ESR1: variants seen among roughly 807,000 people sequenced by gnomAD.
The protein encoded by ESR1 is estrogen receptor.
In ESR1, 12 loss-of-function variants were observed where a neutral mutation model predicts 52.7. The ratio of observed to expected loss-of-function variants is 0.23; its 90% CI spans 0.15 to 0.37. The LOEUF (loss-of-function observed/expected upper bound fraction) is 0.37, where lower values mean the gene tolerates loss of function less well. ESR1 is among the 10% of genes least tolerant of loss of function. The pLI is 1.00. For synonymous variants in ESR1, 305 were observed against 316.8 expected, an observed-to-expected ratio of 0.96 and a Z score of 0.39; for missense variants, 584 against 779.7, an observed-to-expected ratio of 0.75 and a Z score of 2.99.
chr6:151,664,086 T>G (rs1025188462), intron 1 of ESR1, among the ~76,000 whole-genome samples: 2 of 152,204 alleles, frequency 1.3e-5, no homozygotes, highest in African/African-American at 4.8e-5. Flanking sequence ...GTACATCACA[T>G]TCTTGCTAGA....
Position 151,754,431 on chromosome 6 carries a change from A to G in ESR1, c.-71+52426A>G, listed in dbSNP as rs556730427. ...AAACAAAGGACAATCGGAAATGATA[A>G]GAATTTTTTCCTAATTTCTAATTAT... On this transcript the variant is annotated intron_variant, in intron 2 of 2. Coordinates refer to the ESR1 transcript ENST00000404742. 3.9e-5 allele frequency among the ~76,000 whole-genome samples: 6 copies of G among 152,278 alleles called. 1 individual carries two copies. In the South Asian group the frequency reaches 1.2e-3, roughly 32 times the overall value.
At chr6:152,028,157 T>A (rs975748323) in intron 5 of ESR1, among the ~76,000 whole-genome samples, 2 of 151,594 alleles carry the variant, frequency 1.3e-5, no homozygotes, top group Non-Finnish European at 2.9e-5. Flanking sequence ...AAAAAATAAA[T>A]AGGGGGCGGT....
intron 3 of ESR1, among the ~76,000 whole-genome samples, chr6:151,938,878 G>T (rs2034692702): frequency 6.6e-6 from 1 of 152,198 alleles, no homozygotes; most frequent in Non-Finnish European, 1.5e-5. Context: ...CAGTGGGCTT[G>T]CAGGATGAAA....
At chr6:151,880,432 C>T (rs569434236) in intron 2 of ESR1, among the ~76,000 whole-genome samples, 11 of 152,124 alleles carry the variant, frequency 7.2e-5, no homozygotes, top group South Asian at 2.1e-4. Context: ...CCACCTGCCT[C>T]GGCCTCCCAA....
At position 152,053,433 on chromosome 6, in the gene ESR1, A is replaced by C; in HGVS notation, c.1236-7558A>C. On this transcript the variant is annotated intron_variant, in intron 5 of 7. Coordinates refer to ENST00000206249, the MANE Select transcript of ESR1 (RefSeq NM_000125.4). This position sits in a 1 kb window ranked among gnomAD's most constrained non-coding sequence, Gnocchi z 4.1. ...CCTTCTGTCTCTCCCTCTCTCTTTC[A>C]ATCTTTCTCTCCCTCAGTCTCTCTT... Among the ~76,000 whole-genome samples the C allele has an allele frequency of 1.3e-5, 2 of 149,152 alleles. No homozygotes were observed. The highest frequency in any genetic ancestry group is 2.5e-5 in the African/African-American group (1 of 40,364).
chr6:151,727,477 C>T (rs553926381), intron 2 of ESR1, among the ~76,000 whole-genome samples: 4 of 152,172 alleles, frequency 2.6e-5, no homozygotes, highest in Non-Finnish European at 5.9e-5. Context: ...GCTGGGATTA[C>T]AGGTGTGAGC....
intron 2 of ESR1, among the ~76,000 whole-genome samples, chr6:151,775,662 C>T (rs998797069): frequency 2.6e-5 from 4 of 151,382 alleles, no homozygotes; most frequent in Admixed American, 2.0e-4. Context: ...AGGAGAATGG[C>T]GTGAACCCGG....
intron 3 of ESR1, among the ~76,000 whole-genome samples, chr6:151,928,328 C>G (rs1219732822): frequency 6.6e-6 from 1 of 152,180 alleles, no homozygotes; most frequent in Admixed American, 6.5e-5. Context: ...GCAAAATGAT[C>G]TGGCAACAAA....
chr6:151,940,750 T>G (rs1170089107), intron 3 of ESR1, among the ~76,000 whole-genome samples: 1 of 152,244 alleles, frequency 6.6e-6, no homozygotes, highest in Non-Finnish European at 1.5e-5. Flanking sequence ...CAACGAATAT[T>G]GAATAACTTT....
rs747635401 is a variant in ESR1 at position 152,122,551 on chromosome 6, C to T, written c.851-2715C>T. On this transcript the variant is annotated intron_variant, in intron 6 of 6. Coordinates refer to the ESR1 transcript ENST00000427531. ...TGACATTGGTACAAGGCAGGCAAGC[C>T]CGATGAGGAGGAGCAGGAGAAGCTG... The T allele has an allele frequency of 5.1e-5, 82 of 1,614,016 alleles. No individual in the cohort carries two copies. The highest frequency in any genetic ancestry group is 6.8e-5 in the Non-Finnish European group (80 of 1,180,022).
chr6:151,842,072 T>A (rs1784373732), intron 1 of ESR1, among the ~76,000 whole-genome samples: 1 of 152,208 alleles, frequency 6.6e-6, no homozygotes, highest in African/African-American at 2.4e-5. Flanking sequence ...ATTTTCAAAT[T>A]ACATTATTCA....
chr6:151,763,292 T>A (rs1026800640), intron 2 of ESR1, among the ~76,000 whole-genome samples: 4 of 152,052 alleles, frequency 2.6e-5, no homozygotes, highest in Non-Finnish European at 5.9e-5. Context: ...CCATATATAA[T>A]CACCTCTAGG....
intron 4 of ESR1, among the ~76,000 whole-genome samples, chr6:151,977,998 A>G (rs933381866): frequency 6.6e-6 from 1 of 151,426 alleles, no homozygotes; most frequent in East Asian, 1.9e-4. Context: ...GAGAGGGACA[A>G]TAGAATCAGA....
intron 2 of ESR1, among the ~76,000 whole-genome samples, chr6:151,879,626 G>A (rs889601713): frequency 2.0e-5 from 3 of 152,134 alleles, no homozygotes; most frequent in South Asian, 2.1e-4. Context: ...TAACAACAAC[G>A]AACATCTTTT....
intron 2 of ESR1, among the ~76,000 whole-genome samples, chr6:151,867,436 C>G (rs1424344522): frequency 1.3e-5 from 2 of 151,806 alleles, no homozygotes; most frequent in Admixed American, 6.6e-5. Flanking sequence ...CACACACACA[C>G]ACACACAAAC....
chr6:151,984,515 C>G (rs987441105), intron 4 of ESR1, among the ~76,000 whole-genome samples: 1 of 152,136 alleles, frequency 6.6e-6, no homozygotes, highest in Admixed American at 6.5e-5. Flanking sequence ...GAACTTTTTA[C>G]ACACAATGAT....
chr6:151,929,986 CT>C (rs144067358), intron 3 of ESR1, among the ~76,000 whole-genome samples: 368 of 142,428 alleles, frequency 2.6e-3, no homozygotes, highest in Middle Eastern at 0.011. Context: ...AACTATACTT[CT>C]TTTTTTTTTT....
At chr6:151,692,131 G>A (rs944902919) in intron 1 of ESR1, among the ~76,000 whole-genome samples, 1 of 152,194 alleles carries the variant, frequency 6.6e-6, no homozygotes. Context: ...AAGGAATAAA[G>A]CTCTTGTGTC....
intron 2 of ESR1, among the ~76,000 whole-genome samples, chr6:151,856,576 T>C (rs1424937062): frequency 1.4e-5 from 2 of 146,708 alleles, no homozygotes; most frequent in Non-Finnish European, 3.0e-5. Flanking sequence ...CCAGCTTTTA[T>C]CAATTATATA....
Sources: gnomAD v4.1 joint callset for allele counts (sites outside exome capture counted in the v4.1 genomes callset) on GRCh38, gnomAD v4.1.1 for gene constraint, Gnocchi (gnomAD v3.1) non-coding constraint, MANE v1.5 for transcripts, NCBI Gene and HGNC (gene_info 2026-07-23, HGNC 2026-07-21) for gene names.